GALNTL6: variants seen among roughly 807,000 people sequenced by gnomAD.
The protein encoded by GALNTL6 is polypeptide N-acetylgalactosaminyltransferase-like 6.
Under a neutral mutation model 73.7 loss-of-function variants are expected in GALNTL6, and 46 were observed. That is an observed-to-expected ratio of 0.62 (90% confidence interval 0.49 to 0.80). GALNTL6 has a LOEUF of 0.80. Among genes scored for constraint, GALNTL6 ranks in the 30% least tolerant of loss-of-function variants. The probability of loss-of-function intolerance (pLI) is 0.00; values close to 1 mark genes in which losing one functional copy is unlikely to be tolerated. For missense variants in GALNTL6, 604 were observed against 755.0 expected, an observed-to-expected ratio of 0.80 and a Z score of 2.34; for synonymous variants, 259 against 263.7, an observed-to-expected ratio of 0.98 and a Z score of 0.17.
chr4:172,457,292 A>C (rs1319754965), intron 5 of GALNTL6, among the ~76,000 whole-genome samples: 2 of 152,196 alleles, frequency 1.3e-5, no homozygotes, highest in Non-Finnish European at 2.9e-5. Flanking sequence ...CACCATGAAG[A>C]AACTGCATCA....
chr4:171,958,500 A>C (rs1006943776), intron 2 of GALNTL6, among the ~76,000 whole-genome samples: 3 of 152,174 alleles, frequency 2.0e-5, no homozygotes, highest in Non-Finnish European at 4.4e-5. Flanking sequence ...AGTCATTTCT[A>C]TGAGAAGAAG....
intron 2 of GALNTL6, among the ~76,000 whole-genome samples, chr4:171,955,799 T>C: frequency 6.6e-6 from 1 of 152,046 alleles, no homozygotes; most frequent in East Asian, 1.9e-4. Context: ...GGCAGCATGT[T>C]ACATATATAT....
intron 5 of GALNTL6, among the ~76,000 whole-genome samples, chr4:172,746,583 G>A (rs958099544): frequency 6.6e-6 from 1 of 151,632 alleles, no homozygotes; most frequent in Non-Finnish European, 1.5e-5. Flanking sequence ...GCAGTTCTTA[G>A]CTACCTTTTA....
intron 3 of GALNTL6, among the ~76,000 whole-genome samples, chr4:172,295,954 T>G (rs1366411298): frequency 6.6e-6 from 1 of 152,140 alleles, no homozygotes; most frequent in Non-Finnish European, 1.5e-5. Flanking sequence ...ATAGCTTTTA[T>G]TTTTTCTTGC....
intron 2 of GALNTL6, among the ~76,000 whole-genome samples, chr4:172,212,269 C>A (rs927480358): frequency 7.9e-5 from 12 of 152,168 alleles, no homozygotes; most frequent in Admixed American, 6.5e-4. Context: ...TCAAGCGATT[C>A]CCCTGCCTCA....
intron 5 of GALNTL6, among the ~76,000 whole-genome samples, chr4:172,787,436 A>T (rs1739724076): frequency 6.6e-6 from 1 of 152,244 alleles, no homozygotes. Context: ...GTCACTAAAC[A>T]TTCACAACAG....
intron 5 of GALNTL6, among the ~76,000 whole-genome samples, chr4:172,645,239 C>A (rs998882400): frequency 4.6e-5 from 7 of 151,538 alleles, no homozygotes; most frequent in African/African-American, 1.7e-4. Context: ...TTTATTAATT[C>A]TCTTGAATGT....
chr4:172,141,596 A>T (rs1384652909), intron 2 of GALNTL6, among the ~76,000 whole-genome samples: 2 of 151,902 alleles, frequency 1.3e-5, no homozygotes, highest in East Asian at 1.9e-4. Context: ...AATATTTTAA[A>T]CTCGTCAATT....
In GALNTL6 at chr4:173,040,120, A is replaced by G. The variant is rs1254132199; in HGVS notation, c.*20A>G. 2 of 1,578,196 alleles carry G rather than the reference A, an allele frequency of 1.3e-6. No individual in the cohort carries two copies. Among genetic ancestry groups the G allele is most frequent in the African/African-American group, 2.7e-5 (2 of 73,846 alleles). On this transcript the variant is annotated 3_prime_UTR_variant, in exon 13 of 13. Coordinates refer to ENST00000506823, the MANE Select transcript of GALNTL6 (RefSeq NM_001034845.3). The stretch of plus-strand genomic sequence containing the variant: ...TCCTAGAAAGAAGAAAGGAAGAAAG[A>G]GTGATTACCTACAGGTTATAAATTA...
At chr4:172,823,523 A>C (rs73000103) in intron 7 of GALNTL6, among the ~76,000 whole-genome samples, 3 of 152,146 alleles carry the variant, frequency 2.0e-5, no homozygotes, top group African/African-American at 7.2e-5. Flanking sequence ...GTGGTCAGAT[A>C]AGGTTGTGTA....
chr4:172,229,039 C>G (rs930852690), intron 2 of GALNTL6, among the ~76,000 whole-genome samples: 1 of 152,192 alleles, frequency 6.6e-6, no homozygotes, highest in Non-Finnish European at 1.5e-5. Flanking sequence ...TTGGTCTTAA[C>G]AGAACTGGTC....
chr4:172,908,579 A>T (rs1676424247), intron 8 of GALNTL6, among the ~76,000 whole-genome samples: 1 of 150,978 alleles, frequency 6.6e-6, no homozygotes, highest in Admixed American at 6.6e-5. Context: ...AAATCCAGTA[A>T]ATTGCCTGGG....
intron 5 of GALNTL6, among the ~76,000 whole-genome samples, chr4:172,378,643 A>G (rs1421365452): frequency 1.3e-5 from 2 of 152,114 alleles, no homozygotes; most frequent in Non-Finnish European, 2.9e-5. Context: ...ATTATAATTT[A>G]TAGTTACTAC....
chr4:171,879,965 A>G (rs895114780), intron 2 of GALNTL6, among the ~76,000 whole-genome samples: 1 of 152,166 alleles, frequency 6.6e-6, no homozygotes, highest in Non-Finnish European at 1.5e-5. Context: ...ATTAATTGTT[A>G]TGTATTAATA....
chr4:172,115,053 G>A (rs917833678), intron 2 of GALNTL6, among the ~76,000 whole-genome samples: 1 of 152,082 alleles, frequency 6.6e-6, no homozygotes, highest in African/African-American at 2.4e-5. Flanking sequence ...TTTGCATAAT[G>A]AGATTTCATT....
Position 172,975,660 on chromosome 4 carries a change from G to A in GALNTL6, c.1371+23402G>A, listed in dbSNP as rs573601204. On this transcript the variant is annotated intron_variant, in intron 10 of 12. Transcript: ENST00000506823. ...CCACAGTGCCCAGGCTGTTTGTTCT[G>A]AGGGATGCCTGCAGGTACAAGCTGA... 6.6e-5 allele frequency among the ~76,000 whole-genome samples: 10 copies of A among 152,230 alleles called. No individual in the cohort carries two copies. The South Asian group carries it at 2.1e-3, about 32-fold the overall frequency.
intron 5 of GALNTL6, among the ~76,000 whole-genome samples, chr4:172,555,692 A>T (rs1006675324): frequency 7.9e-5 from 12 of 152,126 alleles, no homozygotes. Flanking sequence ...TGCAAAAAAA[A>T]TTCTGTGTTG....
intron 5 of GALNTL6, among the ~76,000 whole-genome samples, chr4:172,736,483 C>G (rs938138985): frequency 1.3e-5 from 2 of 152,168 alleles, no homozygotes; most frequent in Non-Finnish European, 2.9e-5. Flanking sequence ...TTTCAAGGTG[C>G]CCAGATTTCA....
intron 3 of GALNTL6, among the ~76,000 whole-genome samples, chr4:172,297,875 C>T (rs1030487307): frequency 5.3e-5 from 8 of 152,026 alleles, no homozygotes; most frequent in African/African-American, 1.7e-4. Context: ...GTAGTTTTTT[C>T]CAATTCTGTG....
Sources: gnomAD v4.1 joint callset for allele counts (sites outside exome capture counted in the v4.1 genomes callset) on GRCh38, gnomAD v4.1.1 for gene constraint, MANE v1.5 for transcripts, NCBI Gene and HGNC (gene_info 2026-07-23, HGNC 2026-07-21) for gene names.